MED1: variants seen among roughly 807,000 people sequenced by gnomAD.
MED1 encodes the protein mediator complex subunit 1.
A neutral mutation model predicts 121.3 loss-of-function variants in MED1; 17 were observed. That is an observed-to-expected ratio of 0.14 (90% CI 0.10 to 0.21). The LOEUF (loss-of-function observed/expected upper bound fraction) is 0.21, where lower values mean the gene tolerates loss of function less well. MED1 is among the 10% of genes least tolerant of loss of function. The probability of loss-of-function intolerance (pLI) is 1.00; values close to 1 mark genes in which losing one functional copy is unlikely to be tolerated. For missense variants in MED1, 1,558 were observed against 1,919.4 expected (o/e 0.81, Z 3.52); for synonymous variants, 661 against 694.4 (o/e 0.95, Z 0.76).
chr17:39,447,283 C>T (rs1250020767), intron 2 of MED1, among the ~76,000 whole-genome samples: 7 of 151,480 alleles, frequency 4.6e-5, no homozygotes, highest in Admixed American at 4.0e-4. Flanking sequence ...CCCAGCTATT[C>T]GGGAGGCTGA....
Position 39,440,337 on chromosome 17 carries a change from G to A in MED1, c.399+49C>T, listed in dbSNP as rs777165157. 2 of 1,501,606 alleles carry A rather than the reference G, an allele frequency of 1.3e-6. No homozygotes were observed. Among genetic ancestry groups the A allele is most frequent in the African/African-American group, 2.8e-5 (2 of 70,176 alleles). 93.0% of individuals were successfully genotyped at this position (1,501,606 alleles called of 1,614,324 possible). On this transcript the variant is annotated intron_variant, in intron 5 of 16. Coordinates refer to ENST00000300651, the MANE Select transcript of MED1 (RefSeq NM_004774.4). The surrounding 1 kb of genome is among the most constrained non-coding windows in gnomAD (Gnocchi z 4.1). Reference sequence around the variant, plus strand: ...CCCAACAATTAATTTTAAAATTAATGTCCCTAAGTAAACCCCACAGATTCC... The same window carrying A: ...CCCAACAATTAATTTTAAAATTAATATCCCTAAGTAAACCCCACAGATTCC...
In MED1 at chr17:39,419,782, A is replaced by C; in HGVS notation, c.1232T>G (p.Ile411Ser). Residue 411 changes from isoleucine (I) to serine (S), a missense_variant, in exon 14 of 17, where the codon ATC becomes AGC. Ile to Ser is a moderately radical substitution (Grantham distance 142, BLOSUM62 -2). Transcript: ENST00000300651. ...PGRVPLILNL[I>S]RHQVAYNTLI... Reference sequence around the variant, plus strand: ...GGTGTTATAGGCCACTTGGTGTCTGATCAGATTTAGGATAAGAGGAACTCG... The same window carrying C: ...GGTGTTATAGGCCACTTGGTGTCTGCTCAGATTTAGGATAAGAGGAACTCG... 6.2e-7 allele frequency: 1 copy of C among 1,613,966 alleles called. No homozygotes were observed. Among genetic ancestry groups the C allele is most frequent in the Non-Finnish European group, 8.5e-7 (1 of 1,179,978 alleles).
chr17:39,445,531 T>C (rs2048718294), intron 2 of MED1: 1 of 151,910 alleles, frequency 6.6e-6, no homozygotes. Flanking sequence ...CTATAAAATC[T>C]TGATGTACCA....
rs1469497866 is a variant in MED1, at chr17:39,408,619, C to A, written c.3602G>T (p.Gly1201Val). The A allele has an allele frequency of 6.2e-7, 1 of 1,614,128 alleles. No individual in the cohort carries two copies. The highest frequency in any genetic ancestry group is 1.7e-5 in the Admixed American group (1 of 60,010). ...ISPSHSRPPG[G>V]SDKLASPMKP... Reference sequence around the variant, plus strand: ...CATTGGAGAGGCAAGCTTGTCAGAGCCTCCAGGTGGCCTTGAATGAGAAGG... The same window carrying A: ...CATTGGAGAGGCAAGCTTGTCAGAGACTCCAGGTGGCCTTGAATGAGAAGG... Residue 1201 changes from glycine (G) to valine (V), a missense_variant, in exon 17 of 17, where the codon GGC (glycine) becomes GTC (valine). Gly to Val is a moderately radical substitution (Grantham distance 109). This residue lies in a region of MED1 where 793 missense variants were observed against 898.2 expected (regional missense o/e 0.88). Coordinates refer to ENST00000300651, the MANE Select transcript of MED1 (RefSeq NM_004774.4). This position sits in a 1 kb window ranked among gnomAD's most constrained non-coding sequence, Gnocchi z 4.7.
At chr17:39,429,387 T>C (rs1044769656) in intron 9 of MED1, among the ~76,000 whole-genome samples, 1 of 151,708 alleles carries the variant, frequency 6.6e-6, no homozygotes, top group African/African-American at 2.4e-5. Context: ...AGGACAGGTA[T>C]TGACAGCTTA....
intron 13 of MED1, among the ~76,000 whole-genome samples, chr17:39,420,889 G>A (rs887863822): frequency 6.4e-5 from 9 of 141,380 alleles, no homozygotes; most frequent in African/African-American, 1.8e-4. Flanking sequence ...TCCACCTCCC[G>A]GGTTCACGCC....
chr17:39,409,944 G>T lies in MED1; in HGVS notation c.2277C>A (p.Pro759=). 1 of 1,614,136 alleles carries T rather than the reference G, an allele frequency of 6.2e-7. No homozygotes were observed. Among genetic ancestry groups the T allele is most frequent in the South Asian group, 1.1e-5 (1 of 91,076 alleles). The stretch of plus-strand genomic sequence containing the variant: ...GGACCATCCTTTGAATACTGGGTTG[G>T]GGGTGAGGTACTGGTTGTGGGTAAG... ...PTTYPQPVPH[P]QPSIQRMVRL... Residue 759 remains proline, a synonymous_variant, in exon 17 of 17, where the codon CCC becomes CCA. Coordinates refer to ENST00000300651, the MANE Select transcript of MED1 (RefSeq NM_004774.4).
In MED1 at chr17:39,410,712, G is replaced by A; in HGVS notation, c.1509C>T (p.Ser503=). 6.2e-7 allele frequency: 1 copy of A among 1,602,062 alleles called. No homozygotes were observed. Among genetic ancestry groups the A allele is most frequent in the Non-Finnish European group, 8.5e-7 (1 of 1,172,224 alleles). ...GAATAGCCCTCATCGTCACAGGGAT[G>A]GACATACATCTGCAAAATAAAGAAG... The part of the protein sequence containing the change: ...FIAKVVQRCM[S]IPVTMRAIRR... The change falls in exon 17 of 17, where the codon TCC becomes TCT. Residue 503 remains serine (S), a synonymous_variant. Transcript: ENST00000300651.
chr17:39,427,908 T>G, intron 9 of MED1, 118 bp from the exon 10 acceptor site: 2 of 639,474 alleles, frequency 3.1e-6, no homozygotes. Flanking sequence ...ATATGAAGAG[T>G]CATGCTCCAA....
intron 15 of MED1, 27 bp from the exon 16 acceptor site, chr17:39,415,158 G>A: frequency 6.2e-7 from 1 of 1,610,344 alleles, no homozygotes; most frequent in Middle Eastern, 1.7e-4. Context: ...ATAGGAAATT[G>A]TTTTAGATTT....
intron 10 of MED1, 41 bp from the exon 11 acceptor site, chr17:39,424,779 C>G (rs1317046787): frequency 8.6e-7 from 1 of 1,157,122 alleles, no homozygotes; most frequent in South Asian, 1.3e-5. Flanking sequence ...CAAAGTAATA[C>G]AAATGATGGG....
Position 39,410,355 on chromosome 17 carries a change from C to G in MED1, c.1866G>C (p.Pro622=). The G allele has an allele frequency of 1.2e-6, 2 of 1,613,672 alleles. No homozygotes were observed. Among genetic ancestry groups the G allele is most frequent in the Non-Finnish European group, 1.7e-6 (2 of 1,179,938 alleles). ...GTGGCGGCGTGTGATGAGGAGGGGT[C>G]GGACTCGAGCCAATGGTAGACCCCC... The part of the protein sequence containing the change: ...GNGGSTIGSS[P]TPPHHTPPPV... Residue 622 remains proline, a synonymous_variant, in exon 17 of 17, where the codon CCG becomes CCC. Transcript: ENST00000300651.
intron 12 of MED1, 28 bp downstream of exon 12, chr17:39,423,669 G>C: frequency 6.2e-7 from 1 of 1,613,658 alleles, no homozygotes; most frequent in African/African-American, 1.3e-5. Context: ...TTTATAACAA[G>C]TACTAGATCC....
Position 39,407,949 on chromosome 17 carries a change from T to C in MED1, c.4272A>G (p.Gln1424=), listed in dbSNP as rs768308085. The C allele has an allele frequency of 5.0e-6, 8 of 1,614,138 alleles. No individual in the cohort carries two copies. The highest frequency in any genetic ancestry group is 2.2e-5 in the East Asian group (1 of 44,884). Residue 1424 remains glutamine, a synonymous_variant, in exon 17 of 17, where the codon CAA becomes CAG. Transcript: ENST00000300651. Reference sequence around the variant, plus strand: ...AGCCATAGTTTTTAGAAGAAGCCATTTGAGGCCTAAGCCCTTCTCCACTAC... The same window carrying C: ...AGCCATAGTTTTTAGAAGAAGCCATCTGAGGCCTAAGCCCTTCTCCACTAC... ...GESSGEGLRP[Q]MASSKNYGSP... is the part of the protein sequence containing the mutation.
chr17:39,427,542 T>C (rs927106738), intron 10 of MED1, 159 bp downstream of exon 10: 1 of 563,562 alleles, frequency 1.8e-6, no homozygotes, highest in Non-Finnish European at 3.2e-6. Context: ...TATATACATA[T>C]GTATGTACTT....
In MED1 at chr17:39,406,441, G is replaced by A. The variant is rs1359329869; in HGVS notation, c.*1034C>T. On this transcript the variant is annotated 3_prime_UTR_variant, in exon 17 of 17. Coordinates refer to ENST00000300651, the MANE Select transcript of MED1 (RefSeq NM_004774.4). ...GGGATGCAGACTTTTGGCACATTGT[G>A]GAAGTAGGAGAACTATTAATCCTGT... 2 of 985,242 alleles carry A rather than the reference G, an allele frequency of 2.0e-6. No homozygotes were observed. The highest frequency in any genetic ancestry group is 1.1e-4 in the East Asian group (1 of 8,828). 61.0% of individuals were successfully genotyped at this position (985,242 alleles called of 1,614,324 possible).
At chr17:39,432,385 TAC>T (rs1450757647) in intron 7 of MED1, among the ~76,000 whole-genome samples, 1 of 137,732 alleles carries the variant, frequency 7.3e-6, no homozygotes, top group African/African-American at 2.7e-5. Flanking sequence ...CATATATACA[TAC>T]AGACACAAAC....
intron 6 of MED1, among the ~76,000 whole-genome samples, chr17:39,437,183 C>T (rs368370452): frequency 3.7e-4 from 57 of 152,292 alleles, no homozygotes; most frequent in African/African-American, 1.3e-3. Context: ...CCGCCTGCCT[C>T]GGCTTCCCAA....
At position 39,430,231 on chromosome 17, in the gene MED1, A is replaced by G. The variant is rs558147017; in HGVS notation, c.649+884T>C. Among the ~76,000 whole-genome samples the G allele has an allele frequency of 6.6e-5, 10 of 152,226 alleles. No individual in the cohort carries two copies. In the East Asian group the frequency reaches 1.9e-3, roughly 29 times the overall value. On this transcript the variant is annotated intron_variant, in intron 9 of 16. Coordinates refer to ENST00000300651, the MANE Select transcript of MED1 (RefSeq NM_004774.4). ...GAAACCCCATCTCTACTAAAAATACAAAAATTAGTCGGGTGTGGTGGCACA... is the reference window on the plus strand; with the variant it reads ...GAAACCCCATCTCTACTAAAAATACGAAAATTAGTCGGGTGTGGTGGCACA...
Sources: gnomAD v4.1 joint callset for allele counts (sites outside exome capture counted in the v4.1 genomes callset) on GRCh38, gnomAD v4.1.1 for gene constraint, gnomAD v4.1.1 regional missense constraint, Gnocchi (gnomAD v3.1) non-coding constraint, MANE v1.5 for transcripts, NCBI Gene and HGNC (gene_info 2026-07-23, HGNC 2026-07-21) for gene names.